Variants in PYGL observed in about 807,000 individuals in gnomAD.
PYGL encodes the protein glycogen phosphorylase, liver form.
Under a neutral mutation model 100.1 loss-of-function variants are expected in PYGL, and 90 were observed. That is an observed-to-expected ratio of 0.90 (90% CI 0.76 to 1.07). The LOEUF (loss-of-function observed/expected upper bound fraction) is 1.07, where lower values mean the gene tolerates loss of function less well. Ranked by LOEUF, PYGL falls within the 50% of genes least tolerant of loss-of-function variation. The probability of loss-of-function intolerance (pLI) is 0.00; values close to 1 mark genes in which losing one functional copy is unlikely to be tolerated. For missense variants in PYGL, 1,016 were observed against 1,057.6 expected (o/e 0.96, Z 0.55); for synonymous variants, 373 against 393.0 (o/e 0.95, Z 0.60).
intron 3 of PYGL, among the ~76,000 whole-genome samples, chr14:50,932,170 T>C (rs773132573): frequency 6.6e-6 from 1 of 152,114 alleles, no homozygotes; most frequent in African/African-American, 2.4e-5. Flanking sequence ...CTCACCCCAC[T>C]GGAAAAGACA....
chr14:50,931,637 C>A (rs1249467101), intron 4 of PYGL, 36 bp downstream of exon 4: 7 of 1,543,022 alleles, frequency 4.5e-6, no homozygotes, highest in Middle Eastern at 1.7e-4. Flanking sequence ...AAGAGAAGTA[C>A]CTTAATGACA....
In PYGL at chr14:50,938,068, T is replaced by G. The variant is rs192396467; in HGVS notation, c.244-231A>C. 1.5e-3 allele frequency among the ~76,000 whole-genome samples: 235 copies of G among 152,324 alleles called. 2 individuals carry two copies. The highest frequency in any genetic ancestry group is 5.3e-3 in the African/African-American group (219 of 41,584). On this transcript the variant is annotated intron_variant, in intron 1 of 19. Transcript: ENST00000216392. ...TACTGGGCTGCATTCTCAGAACGTT[T>G]GGCATTCTAAGTCACAGGATGAAAT...
intron 1 of PYGL, among the ~76,000 whole-genome samples, chr14:50,938,648 A>G (rs2050677269): frequency 6.6e-6 from 1 of 152,236 alleles, no homozygotes; most frequent in Non-Finnish European, 1.5e-5. Flanking sequence ...AGATGTATGA[A>G]GGACTAAATA....
Position 50,932,961 on chromosome 14 carries a change from A to G in PYGL, c.425-1185T>C, listed in dbSNP as rs144438729. Among the ~76,000 whole-genome samples, 559 of 152,342 alleles carry G rather than the reference A, an allele frequency of 3.7e-3. 6 individuals are homozygous for G. The highest frequency in any genetic ancestry group is 0.012 in the African/African-American group (484 of 41,582). ...TTACATCGCCAATCCCTGTGCTCAC[A>G]TATGGCCTGGCTCTGCTCCCATTCC... is the stretch of plus-strand genomic sequence containing the variant. On this transcript the variant is annotated intron_variant, in intron 3 of 19. Coordinates refer to ENST00000216392, the MANE Select transcript of PYGL (RefSeq NM_002863.5).
chr14:50,906,239 A>G (rs1178121672), intron 19 of PYGL, among the ~76,000 whole-genome samples: 1 of 152,224 alleles, frequency 6.6e-6, no homozygotes, highest in East Asian at 1.9e-4. Flanking sequence ...AAGGAACTCT[A>G]AAAGTGTATT....
In PYGL at chr14:50,910,001, C is replaced by T. The variant is rs539898848; in HGVS notation, c.2071G>A (p.Gly691Arg). Reference protein sequence around the residue: ...KFMLNGALTIGTMDGANVEMA... With the variant: ...KFMLNGALTIRTMDGANVEMA... ...TCCACATTGGCCCCATCCATGGTCC[C>T]GATAGTTAGGGCCCCATTTAGCATG... is the stretch of plus-strand genomic sequence containing the variant. Residue 691 changes from glycine to arginine, a missense_variant, in exon 17 of 20, where the codon GGG becomes AGG. Gly to Arg is a moderately radical substitution (Grantham distance 125). Transcript: ENST00000216392. 1.1e-5 allele frequency: 18 copies of T among 1,614,066 alleles called. No individual in the cohort carries two copies. The highest frequency in any genetic ancestry group is 6.7e-5 in the African/African-American group (5 of 74,904).
intron 7 of PYGL, 65 bp downstream of exon 7, chr14:50,920,476 C>G: frequency 7.0e-7 from 1 of 1,422,112 alleles, no homozygotes; most frequent in African/African-American, 1.4e-5. Context: ...TTATAGGTTA[C>G]TGAACAGGCT....
In PYGL at chr14:50,926,465, C is replaced by T. The variant is rs546309529; in HGVS notation, c.529-2365G>A. Among the ~76,000 whole-genome samples, 36 of 151,952 alleles carry T rather than the reference C, an allele frequency of 2.4e-4. No homozygotes were observed. In the South Asian group the frequency reaches 6.7e-3, roughly 28 times the overall value. Reference sequence around the variant, plus strand: ...TTAACTTGGCCAGGCGTGGTGGCAACGCCTGTAATCCCAGCACTTTGGGAG... The same window carrying T: ...TTAACTTGGCCAGGCGTGGTGGCAATGCCTGTAATCCCAGCACTTTGGGAG... On this transcript the variant is annotated intron_variant, in intron 4 of 19. Coordinates refer to ENST00000216392, the MANE Select transcript of PYGL (RefSeq NM_002863.5).
At chr14:50,917,202 C>T in intron 7 of PYGL, 97 bp from the exon 8 acceptor site, 1 of 1,355,382 alleles carries the variant, frequency 7.4e-7, no homozygotes, top group Non-Finnish European at 1.0e-6. Context: ...AGACTAAGGC[C>T]CATTGGACAT....
At chr14:50,924,919 C>T (rs1169080428) in intron 4 of PYGL, among the ~76,000 whole-genome samples, 2 of 152,190 alleles carry the variant, frequency 1.3e-5, no homozygotes. Flanking sequence ...AAGAACACCA[C>T]CACCACCAAA....
chr14:50,937,862 T>C, intron 1 of PYGL, 25 bp from the exon 2 acceptor site: 1 of 1,578,200 alleles, frequency 6.3e-7, no homozygotes, highest in Non-Finnish European at 8.7e-7. Flanking sequence ...AGAGAGATAA[T>C]GTTTCCCCCA....
rs143571464 is a variant in PYGL, at chr14:50,915,336, A to T, written c.1403T>A (p.Val468Glu). Residue 468 changes from valine (V) to glutamate (E), a missense_variant and splice_region_variant, in exon 11 of 20, where the codon GTA becomes GAA. Val to Glu is a moderately radical substitution (Grantham distance 121). Coordinates refer to ENST00000216392, the MANE Select transcript of PYGL (RefSeq NM_002863.5). ...CACTGCCAGAGTAATGGAGGCTCAC[A>T]CTTTAGTCTTCACGATGTCTGAGTG... ...KIHSDIVKTK[V>E]FKDFSELEPD... 2.5e-6 allele frequency: 4 copies of T among 1,614,088 alleles called. No homozygotes were observed. In the African/African-American group the frequency reaches 5.3e-5, roughly 22 times the overall value.
intron 18 of PYGL, 101 bp downstream of exon 18, chr14:50,908,720 T>C: frequency 6.8e-7 from 1 of 1,478,272 alleles, no homozygotes; most frequent in East Asian, 2.3e-5. Context: ...TGGTTTAAGA[T>C]TGGTTTAAGA....
chr14:50,924,151 C>A, intron 4 of PYGL, 51 bp from the exon 5 acceptor site: 1 of 1,572,836 alleles, frequency 6.4e-7, no homozygotes, highest in Non-Finnish European at 8.7e-7. Flanking sequence ...GAAATATGAA[C>A]CTAGCACTTC....
intron 12 of PYGL, 149 bp from the exon 13 acceptor site, chr14:50,913,279 C>A: frequency 1.5e-6 from 1 of 677,720 alleles, no homozygotes; most frequent in Non-Finnish European, 2.7e-6. Flanking sequence ...AAAGAAGAGT[C>A]TATAAAGTCT....
intron 4 of PYGL, among the ~76,000 whole-genome samples, chr14:50,926,322 C>A (rs1020567889): frequency 1.3e-5 from 2 of 151,182 alleles, no homozygotes; most frequent in Admixed American, 6.6e-5. Context: ...CTGTACTCCA[C>A]CCTGGGTGAC....
intron 7 of PYGL, among the ~76,000 whole-genome samples, chr14:50,918,033 C>T (rs2050469614): frequency 6.6e-6 from 1 of 152,020 alleles, no homozygotes; most frequent in African/African-American, 2.4e-5. Context: ...CATGAATAGA[C>T]AATTCTCAAA....
At position 50,912,167 on chromosome 14, in the gene PYGL, G is replaced by C. The variant is rs144989341; in HGVS notation, c.1757C>G (p.Thr586Arg). 6 of 1,614,072 alleles carry C rather than the reference G, an allele frequency of 3.7e-6. No individual in the cohort carries two copies. In the Admixed American group the frequency reaches 1.0e-4, roughly 27 times the overall value. The change falls in exon 14 of 20, where the codon ACG becomes AGG. Residue 586 changes from threonine to arginine, a missense_variant. Coordinates refer to ENST00000216392, the MANE Select transcript of PYGL (RefSeq NM_002863.5). ...RQLLNCLHVITMYNRIKKDPK... is the reference protein window; with the variant it reads ...RQLLNCLHVIRMYNRIKKDPK... The stretch of plus-strand genomic sequence containing the variant: ...CAGGGCTGACTCACGGTTGTACATC[G>C]TGATCACATGCAGACAGTTCAAGAG...
At chr14:50,909,163 C>A (rs552342432) in intron 17 of PYGL, among the ~76,000 whole-genome samples, 3 of 152,158 alleles carry the variant, frequency 2.0e-5, no homozygotes, top group African/African-American at 7.2e-5. Flanking sequence ...TCCTTATAAC[C>A]AAAGACACTA....
Sources: gnomAD v4.1 joint callset for allele counts (sites outside exome capture counted in the v4.1 genomes callset) on GRCh38, gnomAD v4.1.1 for gene constraint, MANE v1.5 for transcripts, NCBI Gene and HGNC (gene_info 2026-07-23, HGNC 2026-07-21) for gene names.